The following AFF3 variants were observed in gnomAD, a reference collection of about 807,000 sequenced individuals.
The protein encoded by AFF3 is ALF transcription elongation factor 3, also known as AF4/FMR2 family member 3.
In AFF3, 32 loss-of-function variants were observed where a neutral mutation model predicts 129.7. The ratio of observed to expected loss-of-function variants is 0.25; its 90% confidence interval spans 0.19 to 0.33. AFF3 has a LOEUF of 0.33. Ranked by LOEUF, AFF3 falls within the 10% of genes least tolerant of loss-of-function variation. The probability of loss-of-function intolerance (pLI) is 1.00; values close to 1 mark genes in which losing one functional copy is unlikely to be tolerated. For synonymous variants in AFF3, 644 were observed against 635.4 expected, an observed-to-expected ratio of 1.01 and a Z score of -0.20; for missense variants, 1,373 against 1,592.0, an observed-to-expected ratio of 0.86 and a Z score of 2.34.
At chr2:99,747,531 G>A (rs1217767309) in intron 9 of AFF3, among the ~76,000 whole-genome samples, 1 of 152,070 alleles carries the variant, frequency 6.6e-6, no homozygotes, top group Non-Finnish European at 1.5e-5. Context: ...CAGGATGATT[G>A]TTGATCACAA....
intron 7 of AFF3, among the ~76,000 whole-genome samples, chr2:99,923,900 GA>G (rs1359980565): frequency 1.3e-5 from 2 of 151,880 alleles, no homozygotes; most frequent in Middle Eastern, 3.2e-3. Flanking sequence ...CAAAGGTAAA[GA>G]AAAAAATCAA....
intron 7 of AFF3, among the ~76,000 whole-genome samples, chr2:99,875,899 C>T (rs572970258): frequency 3.3e-5 from 5 of 152,272 alleles, no homozygotes; most frequent in South Asian, 2.1e-4. Flanking sequence ...AGGCCATTCA[C>T]GATCTGCATG....
intron 22 of AFF3, among the ~76,000 whole-genome samples, chr2:99,555,282 T>C (rs778765687): frequency 3.3e-4 from 50 of 152,238 alleles, no homozygotes; most frequent in Non-Finnish European, 5.3e-4. Flanking sequence ...TCTCCCCTTA[T>C]ATACAATACT....
chr2:100,082,330 A>C (rs1298904715), intron 4 of AFF3, among the ~76,000 whole-genome samples: 1 of 151,978 alleles, frequency 6.6e-6, no homozygotes, highest in African/African-American at 2.4e-5. Flanking sequence ...ACAGCCCCAT[A>C]GTGGTTTCTG....
chr2:99,668,132 T>C (rs1399278194), intron 12 of AFF3, among the ~76,000 whole-genome samples: 1 of 151,420 alleles, frequency 6.6e-6, no homozygotes, highest in Admixed American at 6.6e-5. Flanking sequence ...CACTCCAGCC[T>C]GGGTGACACA....
chr2:99,584,207 C>T (rs1047784883), intron 16 of AFF3, among the ~76,000 whole-genome samples: 26 of 152,102 alleles, frequency 1.7e-4, no homozygotes, highest in African/African-American at 6.0e-4. Flanking sequence ...GTGGCTCACG[C>T]CTGTAATCCC....
intron 8 of AFF3, among the ~76,000 whole-genome samples, chr2:99,771,214 C>T (rs957949869): frequency 6.6e-6 from 1 of 152,012 alleles, no homozygotes; most frequent in African/African-American, 2.4e-5. Context: ...ACAATGAGAA[C>T]ACATGGACAC....
intron 10 of AFF3, among the ~76,000 whole-genome samples, chr2:99,739,152 C>T (rs2105097081): frequency 6.6e-6 from 1 of 151,850 alleles, no homozygotes; most frequent in African/African-American, 2.4e-5. Flanking sequence ...CAGGTGTTCC[C>T]ATCACTGCAA....
At chr2:99,722,442 G>C (rs1311111275) in intron 11 of AFF3, among the ~76,000 whole-genome samples, 1 of 152,258 alleles carries the variant, frequency 6.6e-6, no homozygotes, top group Admixed American at 6.5e-5. Flanking sequence ...TGGGTACTTA[G>C]TGTTATACTT....
chr2:99,779,451 A>AT (rs908980562), intron 8 of AFF3, among the ~76,000 whole-genome samples: 5 of 152,154 alleles, frequency 3.3e-5, no homozygotes, highest in African/African-American at 1.2e-4. Flanking sequence ...GGTGTTTCAC[A>AT]TTTTTCAGGG....
intron 4 of AFF3, among the ~76,000 whole-genome samples, chr2:100,049,931 C>T (rs563224767): frequency 1.3e-5 from 2 of 152,220 alleles, no homozygotes; most frequent in South Asian, 4.1e-4. Context: ...GGCAGTTACT[C>T]GGCCAGGCGT....
At chr2:99,680,767 G>A (rs115772392) in intron 11 of AFF3, among the ~76,000 whole-genome samples, 2,046 of 152,216 alleles carry the variant, frequency 0.013, 25 homozygotes, top group Non-Finnish European at 0.02. Flanking sequence ...GCATTTTTAT[G>A]GCTGCTGTTA....
At chr2:100,094,594 G>A (rs1055378692) in intron 4 of AFF3, among the ~76,000 whole-genome samples, 52 of 150,880 alleles carry the variant, frequency 3.4e-4, no homozygotes, top group African/African-American at 1.1e-3. Flanking sequence ...AACAGGCCCC[G>A]GACCAATATT....
intron 4 of AFF3, among the ~76,000 whole-genome samples, chr2:100,016,111 G>C (rs1162500220): frequency 6.6e-6 from 1 of 151,642 alleles, no homozygotes; most frequent in East Asian, 1.9e-4. Flanking sequence ...GATGGTGGTG[G>C]TGGTAGCAAT....
chr2:99,866,962 CATAATAATA>C lies in AFF3; in HGVS notation c.874-29447_874-29439del, dbSNP rs1191700795. On this transcript the variant is annotated intron_variant, in intron 7 of 24. Coordinates refer to ENST00000672756, the MANE Select transcript of AFF3 (RefSeq NM_001386135.1). ...CTGCACTCCAGCCTGGGTAACACAGCATAATAATAATAATAATAATAATAATAATAATAA... is the reference window on the plus strand; with the variant it reads ...CTGCACTCCAGCCTGGGTAACACAGCATAATAATAATAATAATAATAATAA... 4.1e-3 allele frequency among the ~76,000 whole-genome samples: 385 copies of C among 93,890 alleles called. 4 individuals carry two copies. Among genetic ancestry groups the C allele is most frequent in the African/African-American group, 0.019 (352 of 18,472 alleles). 61.6% of individuals were successfully genotyped at this position (93,890 alleles called of 152,430 possible).
intron 13 of AFF3, among the ~76,000 whole-genome samples, chr2:99,609,592 G>T (rs1057261930): frequency 3.3e-5 from 5 of 152,016 alleles, no homozygotes; most frequent in Non-Finnish European, 5.9e-5. Context: ...AGTATTCCAT[G>T]GTATATATAT....
At chr2:99,578,583 T>TGCTAATTAGAATTAGAATTA in intron 17 of AFF3, 132 bp from the exon 18 acceptor site, 1 of 1,360,718 alleles carries the variant, frequency 7.3e-7, no homozygotes, top group Admixed American at 2.9e-5. Flanking sequence ...GAATTGATGG[T>TGCTAATTAGAATTAGAATTA]GATTTTGTCT....
chr2:99,905,177 G>A (rs550790107), intron 7 of AFF3, among the ~76,000 whole-genome samples: 4 of 152,302 alleles, frequency 2.6e-5, no homozygotes, highest in Non-Finnish European at 4.4e-5. Context: ...AACTTTGTGG[G>A]AATCTGATGG....
At chr2:99,682,371 G>A (rs956952978) in intron 11 of AFF3, among the ~76,000 whole-genome samples, 2 of 152,134 alleles carry the variant, frequency 1.3e-5, no homozygotes, top group Non-Finnish European at 2.9e-5. Context: ...ATCTTCCATT[G>A]GAATAAGAAT....
Sources: gnomAD v4.1 joint callset for allele counts (sites outside exome capture counted in the v4.1 genomes callset) on GRCh38, gnomAD v4.1.1 for gene constraint, MANE v1.5 for transcripts, NCBI Gene and HGNC (gene_info 2026-07-23, HGNC 2026-07-21) for gene names.